PCCA: variants seen among roughly 807,000 people sequenced by gnomAD.
The protein encoded by PCCA is propionyl-CoA carboxylase subunit alpha, also known as propionyl-CoA carboxylase alpha chain, mitochondrial.
PCCA carries 74 observed loss-of-function variants against 101.3 expected under a neutral mutation model. The observed-to-expected ratio is 0.73, with a 90% CI of 0.61 to 0.89. The LOEUF (loss-of-function observed/expected upper bound fraction) is 0.89, where lower values mean the gene tolerates loss of function less well. Ranked by LOEUF, PCCA falls within the 40% of genes least tolerant of loss-of-function variation. The probability of loss-of-function intolerance (pLI) is 0.00; values close to 1 mark genes in which losing one functional copy is unlikely to be tolerated. For synonymous variants in PCCA, 294 were observed against 313.6 expected (o/e 0.94, Z 0.66); for missense variants, 891 against 907.0 (o/e 0.98, Z 0.23).
At chr13:100,437,331 T>C (rs1181195626) in intron 20 of PCCA, among the ~76,000 whole-genome samples, 1 of 152,196 alleles carries the variant, frequency 6.6e-6, no homozygotes, top group Non-Finnish European at 1.5e-5. Context: ...GCTAGTGATA[T>C]ATTACCTAAG....
intron 22 of PCCA, chr13:100,527,237 CA>C: frequency 2.2e-6 from 1 of 460,722 alleles, no homozygotes; most frequent in Non-Finnish European, 4.5e-6. Context: ...ACATTTTTAT[CA>C]CTCTCAAAAG....
At chr13:100,497,348 G>A (rs1177760422) in intron 21 of PCCA, among the ~76,000 whole-genome samples, 3 of 152,098 alleles carry the variant, frequency 2.0e-5, no homozygotes, top group Non-Finnish European at 1.5e-5. Context: ...AAAAGTCACC[G>A]AATTTGGCTT....
chr13:100,298,502 CA>C (rs1224102722), intron 12 of PCCA, among the ~76,000 whole-genome samples: 2 of 152,040 alleles, frequency 1.3e-5, no homozygotes, highest in Non-Finnish European at 2.9e-5. Flanking sequence ...CTAAGTGGGA[CA>C]AGATGAACTT....
chr13:100,478,111 A>G (rs937830741), intron 21 of PCCA, among the ~76,000 whole-genome samples: 2 of 152,188 alleles, frequency 1.3e-5, no homozygotes, highest in Admixed American at 1.3e-4. Flanking sequence ...CCCGCAATTC[A>G]TTGCATTTTA....
At chr13:100,325,262 G>A (rs560819503) in intron 16 of PCCA, among the ~76,000 whole-genome samples, 4 of 152,240 alleles carry the variant, frequency 2.6e-5, no homozygotes, top group East Asian at 1.9e-4. Context: ...CCATAGACTC[G>A]AATATGACTG....
intron 6 of PCCA, among the ~76,000 whole-genome samples, chr13:100,206,869 C>T (rs1435839694): frequency 6.6e-6 from 1 of 152,152 alleles, no homozygotes; most frequent in Non-Finnish European, 1.5e-5. Flanking sequence ...AGAGGAGCAT[C>T]CTCATCCCCA....
chr13:100,401,521 C>T (rs548677223), intron 19 of PCCA, among the ~76,000 whole-genome samples: 2 of 152,242 alleles, frequency 1.3e-5, no homozygotes, highest in Admixed American at 6.5e-5. Flanking sequence ...GAATTACAGG[C>T]GTGAGCCACC....
chr13:100,520,052 T>C (rs1363706108), intron 22 of PCCA, among the ~76,000 whole-genome samples: 2 of 152,262 alleles, frequency 1.3e-5, no homozygotes, highest in African/African-American at 4.8e-5. Flanking sequence ...TCAGATTGTA[T>C]CTCACAGCAT....
At chr13:100,294,304 G>A (rs1194757049) in intron 12 of PCCA, among the ~76,000 whole-genome samples, 1 of 152,102 alleles carries the variant, frequency 6.6e-6, no homozygotes, top group Non-Finnish European at 1.5e-5. Flanking sequence ...ATTCTGAGGT[G>A]GTGGGGCTAG....
At chr13:100,171,960 A>T (rs1403320309) in intron 6 of PCCA, among the ~76,000 whole-genome samples, 1 of 150,428 alleles carries the variant, frequency 6.6e-6, no homozygotes, top group Non-Finnish European at 1.5e-5. Flanking sequence ...TGAACACAGG[A>T]GGCAGAGCTT....
chr13:100,174,135 T>C (rs2056002934), intron 6 of PCCA, among the ~76,000 whole-genome samples: 1 of 152,170 alleles, frequency 6.6e-6, no homozygotes, highest in South Asian at 2.1e-4. Flanking sequence ...CCTGTATATG[T>C]GCCTTATGGT....
At chr13:100,501,025 C>T (rs891177969) in intron 21 of PCCA, among the ~76,000 whole-genome samples, 1 of 151,906 alleles carries the variant, frequency 6.6e-6, no homozygotes, top group Non-Finnish European at 1.5e-5. Flanking sequence ...GCCTGTAGTC[C>T]CAGCTACTCG....
At chr13:100,429,827 G>A (rs1475221745) in intron 20 of PCCA, among the ~76,000 whole-genome samples, 1 of 151,522 alleles carries the variant, frequency 6.6e-6, no homozygotes, top group Non-Finnish European at 1.5e-5. Context: ...GGCTGGTCTC[G>A]AACTCCTGAC....
intron 4 of PCCA, among the ~76,000 whole-genome samples, chr13:100,128,601 AC>A (rs1215261563): frequency 6.6e-6 from 1 of 152,012 alleles, no homozygotes; most frequent in African/African-American, 2.4e-5. Flanking sequence ...GGCAGACAAG[AC>A]CGCGTGCGCA....
chr13:100,259,329 GTTTTTTTTTTTT>G (rs5806157), intron 9 of PCCA, among the ~76,000 whole-genome samples: 1 of 65,338 alleles, frequency 1.5e-5, no homozygotes, highest in Non-Finnish European at 2.8e-5. Flanking sequence ...AAATGTAATG[GTTTTTTTTTTTT>G]TTTTTTTTTT....
At chr13:100,289,756 A>G (rs960569393) in intron 12 of PCCA, among the ~76,000 whole-genome samples, 1 of 152,108 alleles carries the variant, frequency 6.6e-6, no homozygotes, top group Non-Finnish European at 1.5e-5. Flanking sequence ...TGACTTTCCA[A>G]CACTGAAGAT....
chr13:100,349,877 A>G (rs2073049268), intron 18 of PCCA, among the ~76,000 whole-genome samples: 1 of 152,184 alleles, frequency 6.6e-6, no homozygotes, highest in Admixed American at 6.5e-5. Context: ...ATGTGCAGTC[A>G]TTGTGTCTGC....
chr13:100,344,409 C>T (rs982310861), intron 18 of PCCA, among the ~76,000 whole-genome samples: 2 of 152,154 alleles, frequency 1.3e-5, no homozygotes, highest in African/African-American at 4.8e-5. Context: ...CTCCTAAAGA[C>T]TTAGCAATAT....
intron 21 of PCCA, among the ~76,000 whole-genome samples, chr13:100,514,645 G>C (rs975607289): frequency 3.9e-5 from 6 of 152,104 alleles, no homozygotes; most frequent in African/African-American, 1.2e-4. Flanking sequence ...GAAATGTTCT[G>C]CTTCACTGAA....
Sources: gnomAD v4.1 joint callset for allele counts (sites outside exome capture counted in the v4.1 genomes callset) on GRCh38, gnomAD v4.1.1 for gene constraint, MANE v1.5 for transcripts, NCBI Gene and HGNC (gene_info 2026-07-23, HGNC 2026-07-21) for gene names.